Variants in FZR1 observed in about 807,000 individuals in gnomAD.
The protein encoded by FZR1 is fizzy and cell division cycle 20 related 1, also known as fizzy-related protein homolog.
A neutral mutation model predicts 63.6 loss-of-function variants in FZR1; 11 were observed. The ratio of observed to expected loss-of-function variants is 0.17; its 90% CI spans 0.11 to 0.29. The LOEUF (loss-of-function observed/expected upper bound fraction) is 0.29. FZR1 is among the 10% of genes least tolerant of loss of function. The pLI, the probability that FZR1 is intolerant of heterozygous loss-of-function variation, is 1.00. For missense variants in FZR1, 440 were observed against 687.5 expected (o/e 0.64, Z 4.03); for synonymous variants, 328 against 297.9 (o/e 1.10, Z -1.04).
rs1217089554 is a variant in FZR1, at chr19:3,529,884, GAGAGCGGA to G, written c.655-907_655-900del. Among the ~76,000 whole-genome samples the G allele has an allele frequency of 6.2e-3, 758 of 122,340 alleles. 55 individuals carry two copies. The highest frequency in any genetic ancestry group is 0.011 in the Non-Finnish European group (591 of 55,738). 80.3% of individuals were successfully genotyped at this position (122,340 alleles called of 152,430 possible). A position where few individuals can be genotyped will look rare whatever the true frequency, so the allele number is the denominator to read the frequency against. ...GGTGAGCGGGTGGGTGAGCGGGTGG[GAGAGCGGA>G]TGGGAGAGTGGTTGAGGGAGCGGAT... On this transcript the variant is annotated intron_variant, in intron 7 of 13. Transcript: ENST00000441788.
chr19:3,509,389 C>T (rs1046382743), intron 1 of FZR1, among the ~76,000 whole-genome samples: 2 of 152,264 alleles, frequency 1.3e-5, no homozygotes, highest in African/African-American at 4.8e-5. Context: ...CCCCCACTCT[C>T]TCTTGGCTTC....
chr19:3,530,063 TGAGCGGATGGGA>T (rs1251986020), intron 7 of FZR1, among the ~76,000 whole-genome samples: 7 of 57,744 alleles, frequency 1.2e-4, no homozygotes, highest in East Asian at 8.7e-4. Context: ...AGCAGATGGG[TGAGCGGATGGGA>T]GAGCGGATGG....
intron 10 of FZR1, 67 bp from the exon 11 acceptor site, chr19:3,532,350 C>G (rs533550219): frequency 2.3e-6 from 3 of 1,289,144 alleles, no homozygotes; most frequent in African/African-American, 1.5e-5. Flanking sequence ...GTCGTCACAC[C>G]TGTGAGGACC....
chr19:3,507,073 A>C (rs1165826948), intron 1 of FZR1, among the ~76,000 whole-genome samples: 5 of 151,944 alleles, frequency 3.3e-5, no homozygotes, highest in Non-Finnish European at 7.4e-5. Flanking sequence ...TGTTGTGTCC[A>C]CCAGTCCCCG....
rs978544127 is a variant in FZR1, at chr19:3,526,780, G to A, written c.388-200G>A. 6.6e-6 allele frequency among the ~76,000 whole-genome samples: 1 copy of A among 151,712 alleles called. No homozygotes were observed. Among genetic ancestry groups the A allele is most frequent in the African/African-American group, 2.4e-5 (1 of 41,454 alleles). ...GCAGGATCACACGGAGCCTGGCTTG[G>A]GTCCCTCGAGAGAGGGCGGGAGGGG... On this transcript the variant is annotated intron_variant, in intron 5 of 13. Coordinates refer to ENST00000441788, the MANE Select transcript of FZR1 (RefSeq NM_016263.4). This position sits in a 1 kb window ranked among gnomAD's most constrained non-coding sequence, Gnocchi z 5.4.
rs1003360574 is a variant in FZR1 at position 3,528,688 on chromosome 19, C to T, written c.654+874C>T. Reference sequence around the variant, plus strand: ...ATGGATGAGAGAGTGGATGGGTGAGCGGATGAGAGAGTGGATGGGTGAGCA... The same window carrying T: ...ATGGATGAGAGAGTGGATGGGTGAGTGGATGAGAGAGTGGATGGGTGAGCA... On this transcript the variant is annotated intron_variant, in intron 7 of 13. Coordinates refer to ENST00000441788, the MANE Select transcript of FZR1 (RefSeq NM_016263.4). 2.4e-4 allele frequency among the ~76,000 whole-genome samples: 32 copies of T among 134,750 alleles called. 1 individual carries two copies. Among genetic ancestry groups the T allele is most frequent in the African/African-American group, 7.2e-4 (26 of 36,346 alleles). 88.4% of individuals were successfully genotyped at this position (134,750 alleles called of 152,430 possible).
At chr19:3,521,978 T>A (rs1487480004) in intron 1 of FZR1, among the ~76,000 whole-genome samples, 1 of 151,198 alleles carries the variant, frequency 6.6e-6, no homozygotes, top group Non-Finnish European at 1.5e-5. Flanking sequence ...CACCTCAGCC[T>A]CCCAAGTAGC....
intron 1 of FZR1, among the ~76,000 whole-genome samples, chr19:3,518,488 C>T (rs2083075244): frequency 6.6e-6 from 1 of 152,042 alleles, no homozygotes; most frequent in Non-Finnish European, 1.5e-5. Context: ...AAGGGCTGGG[C>T]CCCACCTGCA....
At chr19:3,518,990 C>T (rs2083079158) in intron 1 of FZR1, among the ~76,000 whole-genome samples, 3 of 152,222 alleles carry the variant, frequency 2.0e-5, no homozygotes, top group Admixed American at 2.0e-4. Flanking sequence ...GGCTGTGGCC[C>T]TGTCATTGGG....
chr19:3,510,846 T>C lies in FZR1; in HGVS notation c.-35+4372T>C, dbSNP rs538009554. 2.0e-5 allele frequency among the ~76,000 whole-genome samples: 3 copies of C among 152,124 alleles called. No individual in the cohort carries two copies. In the East Asian group the frequency reaches 5.8e-4, roughly 29 times the overall value. On this transcript the variant is annotated intron_variant, in intron 1 of 13. Transcript: ENST00000441788. The stretch of plus-strand genomic sequence containing the variant: ...GGGGGCGCTCCTGGCATGGAGTGAG[T>C]GGAGGCCAGTGATGCTGCTCAGCGC...
Position 3,522,512 on chromosome 19 carries a change from G to A in FZR1, c.-34-444G>A, listed in dbSNP as rs147518290. On this transcript the variant is annotated intron_variant, in intron 1 of 13. Coordinates refer to ENST00000441788, the MANE Select transcript of FZR1 (RefSeq NM_016263.4). ...CCTGGACCCACGTGGCCGGCCCGGG[G>A]CCTGTGCGTGGCCAGCTCTTGCACA... Among the ~76,000 whole-genome samples the A allele has an allele frequency of 5.1e-3, 784 of 152,280 alleles. 11 individuals are homozygous for A. The highest frequency in any genetic ancestry group is 0.018 in the African/African-American group (754 of 41,566).
chr19:3,518,706 T>C (rs561526451), intron 1 of FZR1, among the ~76,000 whole-genome samples: 18 of 152,334 alleles, frequency 1.2e-4, no homozygotes, highest in African/African-American at 4.3e-4. Context: ...CTTTTACAAA[T>C]GTACTTCCTT....
chr19:3,533,534 G>T lies in FZR1; in HGVS notation c.1347+136G>T, dbSNP rs2083268557. 1 of 622,542 alleles carries T rather than the reference G, an allele frequency of 1.6e-6. No individual in the cohort carries two copies. The highest frequency in any genetic ancestry group is 2.8e-5 in the East Asian group (1 of 35,352). 38.6% of individuals were successfully genotyped at this position (622,542 alleles called of 1,614,324 possible). A position where few individuals can be genotyped will look rare whatever the true frequency, so the allele number is the denominator to read the frequency against. On this transcript the variant is annotated intron_variant, in intron 12 of 13. Coordinates refer to ENST00000441788, the MANE Select transcript of FZR1 (RefSeq NM_016263.4). The surrounding 1 kb of genome is among the most constrained non-coding windows in gnomAD (Gnocchi z 4.9). ...AACCCCGTGGGACCCAGCAGCAGGG[G>T]CCGGCAGGGCATCTGGTGCTGGTTG...
intron 7 of FZR1, among the ~76,000 whole-genome samples, chr19:3,529,148 GAGCGGA>G (rs879614614): frequency 0.29 from 31,815 of 111,622 alleles, 6,010 homozygotes; most frequent in East Asian, 0.66. Context: ...GCGGATGGGA[GAGCGGA>G]TGGGAGAGCG....
intron 1 of FZR1, among the ~76,000 whole-genome samples, chr19:3,519,217 TCA>T (rs1348420200): frequency 6.6e-6 from 1 of 152,188 alleles, no homozygotes; most frequent in Non-Finnish European, 1.5e-5. Context: ...TCTGAAACAT[TCA>T]GTCACACCTG....
At chr19:3,534,372 G>A (rs753246361) in intron 12 of FZR1, 49 bp from the exon 13 acceptor site, 20 of 1,048,800 alleles carry the variant, frequency 1.9e-5, no homozygotes, top group African/African-American at 1.4e-4. Context: ...GCACTGTCCC[G>A]AGGCACCTAG....
chr19:3,518,862 T>C (rs2083078279), intron 1 of FZR1, among the ~76,000 whole-genome samples: 1 of 152,170 alleles, frequency 6.6e-6, no homozygotes, highest in Non-Finnish European at 1.5e-5. Flanking sequence ...AGAGACCCTG[T>C]CTCCATAAAA....
At chr19:3,534,721 C>T in intron 13 of FZR1, 74 bp from the exon 14 acceptor site, 6 of 1,391,668 alleles carry the variant, frequency 4.3e-6, no homozygotes, top group South Asian at 1.2e-5. Flanking sequence ...AGCCCCAAAG[C>T]CTTGGGGACC....
chr19:3,530,941 T>TTC, intron 8 of FZR1, 84 bp downstream of exon 8: 6 of 1,071,982 alleles, frequency 5.6e-6, no homozygotes, highest in Non-Finnish European at 6.9e-6. Flanking sequence ...CCAGAGGGTC[T>TTC]AGTGCGTGGC....
Sources: allele counts gnomAD v4.1 joint callset (sites outside exome capture counted in the v4.1 genomes callset), GRCh38; gene constraint gnomAD v4.1.1; non-coding constraint Gnocchi (gnomAD v3.1); transcripts MANE v1.5; gene names NCBI Gene and HGNC (gene_info 2026-07-23, HGNC 2026-07-21).